Variants in FMN2 observed in about 807,000 individuals in gnomAD.
FMN2 encodes the protein formin-2.
In FMN2, 51 loss-of-function variants were observed where a neutral mutation model predicts 142.3. That is an observed-to-expected ratio of 0.36 (90% CI 0.29 to 0.45). FMN2 has a LOEUF of 0.45. Ranked by LOEUF, FMN2 falls within the 20% of genes least tolerant of loss-of-function variation. FMN2 has a pLI of 1.00. For missense variants in FMN2, 1,936 were observed against 2,122.8 expected (o/e 0.91, Z 1.73); for synonymous variants, 882 against 869.8 (o/e 1.01, Z -0.25).
intron 2 of FMN2, among the ~76,000 whole-genome samples, chr1:240,147,437 A>T (rs1480714884): frequency 6.6e-6 from 1 of 152,012 alleles, no homozygotes; most frequent in Non-Finnish European, 1.5e-5. Context: ...TAGTCCCCTA[A>T]TTAGTCTCCA....
chr1:240,318,666 T>A (rs948222637), intron 8 of FMN2, among the ~76,000 whole-genome samples: 1 of 152,234 alleles, frequency 6.6e-6, no homozygotes, highest in Non-Finnish European at 1.5e-5. Flanking sequence ...AGGATATACA[T>A]GCTCTGATTT....
At chr1:240,427,174 TA>T (rs1276731749) in intron 15 of FMN2, among the ~76,000 whole-genome samples, 9,311 of 30,016 alleles carry the variant, frequency 0.31, 1,116 homozygotes, top group African/African-American at 0.41. Flanking sequence ...ACTGATTTTA[TA>T]TATATATATA....
At chr1:240,393,718 C>A (rs1412281431) in intron 15 of FMN2, among the ~76,000 whole-genome samples, 1 of 152,136 alleles carries the variant, frequency 6.6e-6, no homozygotes, top group East Asian at 1.9e-4. Flanking sequence ...AGAAAAAGTT[C>A]TTGAAGGAAA....
At chr1:240,154,873 CTCCCCTCCCT>C (rs1314684732) in intron 2 of FMN2, 1 of 136,356 alleles carries the variant, frequency 7.3e-6, no homozygotes, top group Non-Finnish European at 1.6e-5. Flanking sequence ...TCTTTCTTCC[CTCCCCTCCCT>C]TCCCCTCCCC....
At chr1:240,130,357 C>A (rs1363151759) in intron 2 of FMN2, among the ~76,000 whole-genome samples, 1 of 152,150 alleles carries the variant, frequency 6.6e-6, no homozygotes, top group African/African-American at 2.4e-5. Context: ...GGCTGGAGGG[C>A]AATGGCATAA....
At chr1:240,180,159 A>C in intron 3 of FMN2, 3 of 1,282,268 alleles carry the variant, frequency 2.3e-6, no homozygotes, top group Non-Finnish European at 3.1e-6. Context: ...TTAAAAATGC[A>C]TTCTTGAAGA....
intron 16 of FMN2, among the ~76,000 whole-genome samples, chr1:240,444,378 G>A (rs1210114409): frequency 2.6e-5 from 4 of 152,176 alleles, no homozygotes; most frequent in African/African-American, 9.7e-5. Flanking sequence ...GAGAGCTAAG[G>A]GCTTTTAGGC....
intron 1 of FMN2, among the ~76,000 whole-genome samples, chr1:240,119,429 TA>T (rs1662150681): frequency 6.6e-6 from 1 of 152,106 alleles, no homozygotes; most frequent in African/African-American, 2.4e-5. Context: ...GAAGTTTCTT[TA>T]GAGAGAGGTT....
chr1:240,139,914 A>G (rs759511483), intron 2 of FMN2, among the ~76,000 whole-genome samples: 5 of 152,216 alleles, frequency 3.3e-5, no homozygotes, highest in Non-Finnish European at 7.3e-5. Flanking sequence ...TCAGAAGACC[A>G]GAGAGGGTGA....
intron 2 of FMN2, among the ~76,000 whole-genome samples, chr1:240,149,345 G>A (rs1663666266): frequency 6.6e-6 from 1 of 152,146 alleles, no homozygotes; most frequent in Admixed American, 6.5e-5. Flanking sequence ...TTATCACCAA[G>A]TATTTGATTT....
chr1:240,438,081 A>G lies in FMN2; in HGVS notation c.4931A>G (p.Tyr1644Cys), dbSNP rs767769014. The change falls in exon 16 of 18, where the codon TAT (tyrosine) becomes TGT (cysteine). Residue 1644 changes from tyrosine to cysteine, a missense_variant. Around this residue, in one of 8 missense-constraint regions of FMN2, gnomAD observed 322 missense variants for 401.6 expected, o/e 0.80. Coordinates refer to ENST00000319653, the MANE Select transcript of FMN2 (RefSeq NM_020066.5). The stretch of plus-strand genomic sequence containing the variant: ...GACAGCTTTTTGGAGACCACGGCAT[A>G]TTTCTTCATGAAACCAAAACTTGGA... ...THKCFLETTA[Y>C]FFMKPKLGEK... 1 of 1,613,740 alleles carries G rather than the reference A, an allele frequency of 6.2e-7. No individual in the cohort carries two copies. The highest frequency in any genetic ancestry group is 1.3e-5 in the African/African-American group (1 of 74,912).
At chr1:240,452,725 G>A (rs890707881) in intron 16 of FMN2, among the ~76,000 whole-genome samples, 1 of 152,138 alleles carries the variant, frequency 6.6e-6, no homozygotes, top group Non-Finnish European at 1.5e-5. Context: ...CATCAGTTAA[G>A]AGATTTCATC....
chr1:240,314,398 T>C (rs1670698410), intron 8 of FMN2, among the ~76,000 whole-genome samples: 2 of 152,166 alleles, frequency 1.3e-5, no homozygotes, highest in South Asian at 4.1e-4. Flanking sequence ...CCCTCAGAAA[T>C]GCTAGGTTCA....
intron 8 of FMN2, among the ~76,000 whole-genome samples, chr1:240,298,649 A>G (rs1315121455): frequency 6.6e-6 from 1 of 152,136 alleles, no homozygotes; most frequent in Non-Finnish European, 1.5e-5. Context: ...CCTTTTGTGA[A>G]CTGCGTATGC....
intron 13 of FMN2, among the ~76,000 whole-genome samples, chr1:240,345,289 A>G (rs900336980): frequency 7.2e-5 from 11 of 152,186 alleles, no homozygotes; most frequent in African/African-American, 2.7e-4. Context: ...ATAACTTTTC[A>G]AATCATGCTG....
intron 6 of FMN2, chr1:240,245,273 T>G: frequency 3.2e-6 from 1 of 315,224 alleles, no homozygotes; most frequent in Non-Finnish European, 6.3e-6. Flanking sequence ...AAAAGGGGAC[T>G]GACAGGATGA....
chr1:240,275,417 A>G (rs1319912048), intron 7 of FMN2, among the ~76,000 whole-genome samples: 2 of 151,586 alleles, frequency 1.3e-5, no homozygotes, highest in East Asian at 3.9e-4. Flanking sequence ...AAGGACATGA[A>G]CTCATCCTTT....
At chr1:240,229,205 A>C (rs536781075) in intron 6 of FMN2, among the ~76,000 whole-genome samples, 2 of 152,164 alleles carry the variant, frequency 1.3e-5, no homozygotes, top group Non-Finnish European at 2.9e-5. Flanking sequence ...GGAGGATTGA[A>C]AGCAAAATCT....
intron 6 of FMN2, among the ~76,000 whole-genome samples, chr1:240,251,154 T>C (rs938225997): frequency 1.3e-5 from 2 of 152,148 alleles, no homozygotes; most frequent in Middle Eastern, 3.2e-3. Flanking sequence ...TTCCTTGATA[T>C]ACACTGTTAG....
Sources: allele counts gnomAD v4.1 joint callset (sites outside exome capture counted in the v4.1 genomes callset), GRCh38; gene constraint gnomAD v4.1.1; regional missense constraint gnomAD v4.1.1; transcripts MANE v1.5; gene names NCBI Gene and HGNC (gene_info 2026-07-23, HGNC 2026-07-21).